Variants in PDXK observed in about 807,000 individuals in gnomAD.
PDXK encodes pyridoxal kinase, also known as epididymis secretory sperm binding protein Li 1a.
A neutral mutation model predicts 43.2 loss-of-function variants in PDXK; 15 were observed. The ratio of observed to expected loss-of-function variants is 0.35; its 90% CI spans 0.23 to 0.53. The LOEUF (loss-of-function observed/expected upper bound fraction) is 0.53, where lower values mean the gene tolerates loss of function less well. Among genes scored for constraint, PDXK ranks in the 20% least tolerant of loss-of-function variants. The pLI, the probability that PDXK is intolerant of heterozygous loss-of-function variation, is 0.92. For missense variants in PDXK, 343 were observed against 417.0 expected (o/e 0.82, Z 1.54); for synonymous variants, 172 against 165.4 (o/e 1.04, Z -0.31).
chr21:43,750,827 C>CGT (rs1265391759), intron 7 of PDXK, among the ~76,000 whole-genome samples: 4 of 146,402 alleles, frequency 2.7e-5, no homozygotes, highest in Non-Finnish European at 6.0e-5. Flanking sequence ...CCCATGTGTG[C>CGT]ATGTGTGCAC....
Position 43,755,723 on chromosome 21 carries a change from C to T in PDXK, c.785C>T (p.Thr262Ile), listed in dbSNP as rs77602696. 878 of 1,614,052 alleles carry T rather than the reference C, an allele frequency of 5.4e-4. 4 individuals are homozygous for T. In the African/African-American group the frequency reaches 9.3e-3, roughly 17 times the overall value. ...LKVACEKTVS[T>I]LHHVLQRTIQ... ...GTGGCCTGTGAGAAGACCGTGTCTACCTTGCACCACGTTCTGCAGAGGACC... is the reference window on the plus strand; with the variant it reads ...GTGGCCTGTGAGAAGACCGTGTCTATCTTGCACCACGTTCTGCAGAGGACC... Residue 262 changes from threonine (T) to isoleucine (I), a missense_variant, in exon 10 of 11, where the codon ACC becomes ATC. By Grantham distance (89) the Thr-to-Ile change is moderately conservative (BLOSUM62 -1). Transcript: ENST00000291565.
chr21:43,740,667 T>C (rs1367116429), intron 2 of PDXK, among the ~76,000 whole-genome samples: 1 of 151,860 alleles, frequency 6.6e-6, no homozygotes, highest in Non-Finnish European at 1.5e-5. Flanking sequence ...GACGCGTCTG[T>C]CCTCACACAT....
At chr21:43,727,970 A>T (rs188720026) in intron 1 of PDXK, among the ~76,000 whole-genome samples, 9 of 152,330 alleles carry the variant, frequency 5.9e-5, no homozygotes, top group African/African-American at 2.2e-4. Context: ...GCCTTCCCTT[A>T]GCACTTTGCA....
At position 43,741,677 on chromosome 21, in the gene PDXK, C is replaced by T. The variant is rs1601814022; in HGVS notation, c.153C>T (p.His51=). 9.9e-6 allele frequency: 16 copies of T among 1,612,416 alleles called. No individual in the cohort carries two copies. The highest frequency in any genetic ancestry group is 1.4e-5 in the Non-Finnish European group (16 of 1,178,742). The change falls in exon 3 of 11, where the codon CAC becomes CAT. Residue 51 remains histidine (H), a synonymous_variant. Coordinates refer to ENST00000291565, the MANE Select transcript of PDXK (RefSeq NM_003681.5). ...VQFSNHTGYA[H]WKGQVLNSDE... Reference sequence around the variant, plus strand: ...TTCCTCTGCCTCTAGGCTATGCCCACTGGAAGGGCCAAGTGCTGAATTCAG... The same window carrying T: ...TTCCTCTGCCTCTAGGCTATGCCCATTGGAAGGGCCAAGTGCTGAATTCAG...
rs1289875473 is a variant in PDXK at position 43,759,628 on chromosome 21, G to A, written c.*3565G>A. The A allele has an allele frequency of 1.3e-5, 2 of 153,426 alleles. No homozygotes were observed. Among genetic ancestry groups the A allele is most frequent in the Non-Finnish European group, 2.9e-5 (2 of 68,160 alleles). The allele number at this position is 153,426 out of a possible 1,614,324, so 9.5% of individuals were successfully genotyped here. A position where few individuals can be genotyped will look rare whatever the true frequency, so the allele number is the denominator to read the frequency against. On this transcript the variant is annotated 3_prime_UTR_variant, in exon 11 of 11. Coordinates refer to ENST00000291565, the MANE Select transcript of PDXK (RefSeq NM_003681.5). ...ATCGCCTGCCTGGGCCCAGAGCAGG[G>A]GAACTGGAGTTTGTGAGTGAGCAGA...
At position 43,734,515 on chromosome 21, in the gene PDXK, C is replaced by T. The variant is rs534295991; in HGVS notation, c.142+392C>T. Among the ~76,000 whole-genome samples, 11 of 152,322 alleles carry T rather than the reference C, an allele frequency of 7.2e-5. No homozygotes were observed. The highest frequency in any genetic ancestry group is 2.6e-4 in the African/African-American group (11 of 41,572). ...GACCAATGCCTGGCTCAGAGCGCAG[C>T]CGTGTGACTCCTGCTGTCCACCTGC... On this transcript the variant is annotated intron_variant, in intron 2 of 10. Coordinates refer to ENST00000291565, the MANE Select transcript of PDXK (RefSeq NM_003681.5). This position sits in a 1 kb window ranked among gnomAD's most constrained non-coding sequence, Gnocchi z 5.0.
intron 1 of PDXK, among the ~76,000 whole-genome samples, chr21:43,726,975 G>A (rs1432716888): frequency 1.3e-5 from 2 of 152,196 alleles, no homozygotes; most frequent in Non-Finnish European, 2.9e-5. Flanking sequence ...ATGCATGCGT[G>A]TGTCATGGGC....
chr21:43,733,248 TCCCCA>T (rs1447202918), intron 1 of PDXK, among the ~76,000 whole-genome samples: 1,321 of 35,018 alleles, frequency 0.038, 31 homozygotes, highest in East Asian at 0.15. Flanking sequence ...CCCCTCCCCA[TCCCCA>T]CCCCCCCCCC....
At chr21:43,722,410 T>G (rs2083213491) in intron 1 of PDXK, among the ~76,000 whole-genome samples, 1 of 152,202 alleles carries the variant, frequency 6.6e-6, no homozygotes, top group Non-Finnish European at 1.5e-5. Context: ...CCCCTTTTGC[T>G]CTATTGCTTC....
At chr21:43,722,324 C>T (rs1270830823) in intron 1 of PDXK, among the ~76,000 whole-genome samples, 1 of 152,204 alleles carries the variant, frequency 6.6e-6, no homozygotes, top group Admixed American at 6.5e-5. Context: ...TCCTGGCTAT[C>T]AGTTCAGCAG....
chr21:43,743,686 C>A, intron 3 of PDXK, 38 bp from the exon 4 acceptor site: 2 of 1,414,692 alleles, frequency 1.4e-6, no homozygotes, highest in Non-Finnish European at 2.0e-6. Context: ...TGGTGAGTCT[C>A]CTGTTTTCTG....
chr21:43,744,905 C>A (rs1444496094), intron 4 of PDXK, among the ~76,000 whole-genome samples: 2 of 152,158 alleles, frequency 1.3e-5, no homozygotes, highest in African/African-American at 2.4e-5. Flanking sequence ...TCCGTACATA[C>A]AATGGAGTAT....
At position 43,757,509 on chromosome 21, in the gene PDXK, T is replaced by C. The variant is rs990728396; in HGVS notation, c.*1446T>C. 2.6e-5 allele frequency: 4 copies of C among 152,172 alleles called. No individual in the cohort carries two copies. The highest frequency in any genetic ancestry group is 9.6e-5 in the African/African-American group (4 of 41,454). The allele number at this position is 152,172 out of a possible 1,614,324, so 9.4% of individuals were successfully genotyped here. ...CCCTCCTGGAGCCCATACCCTCCTG[T>C]GAGGCCATTCCAGTGTCTTCTAGAA... On this transcript the variant is annotated 3_prime_UTR_variant, in exon 11 of 11. Coordinates refer to ENST00000291565, the MANE Select transcript of PDXK (RefSeq NM_003681.5).
chr21:43,755,518 G>A, intron 9 of PDXK, 180 bp from the exon 10 acceptor site: 1 of 625,718 alleles, frequency 1.6e-6, no homozygotes, highest in East Asian at 2.7e-5. Context: ...CGGGCTCTCC[G>A]TGGTGGGCAG....
chr21:43,724,059 G>A (rs2083229824), intron 1 of PDXK, among the ~76,000 whole-genome samples: 1 of 152,200 alleles, frequency 6.6e-6, no homozygotes, highest in African/African-American at 2.4e-5. Flanking sequence ...ACTCCCTGCA[G>A]CCCCCACCAG....
chr21:43,740,904 G>C (rs1441430462), intron 2 of PDXK: 2 of 147,946 alleles, frequency 1.4e-5, no homozygotes, highest in Non-Finnish European at 3.0e-5. Flanking sequence ...GACAGTGGCC[G>C]GTGGCCGAGC....
intron 5 of PDXK, among the ~76,000 whole-genome samples, chr21:43,746,701 G>A (rs2083644403): frequency 1.3e-5 from 2 of 152,276 alleles, no homozygotes; most frequent in South Asian, 4.1e-4. Flanking sequence ...TTACAGGCAT[G>A]AGCCACCACG....
rs2147344900 is a variant in PDXK, at chr21:43,760,958, T to C, written c.*4895T>C. On this transcript the variant is annotated 3_prime_UTR_variant, in exon 11 of 11. Transcript: ENST00000291565. ...TTTCAATCGGCGTCTAAAACCACGT[T>C]CCTGCCTTTCATTGCAACACGGTGT... 1 of 152,402 alleles carries C rather than the reference T, an allele frequency of 6.6e-6. No homozygotes were observed. Among genetic ancestry groups the C allele is most frequent in the South Asian group, 2.1e-4 (1 of 4,834 alleles). The allele number at this position is 152,402 out of a possible 1,614,324, so 9.4% of individuals were successfully genotyped here. A position where few individuals can be genotyped will look rare whatever the true frequency, so the allele number is the denominator to read the frequency against.
At chr21:43,745,959 T>C in intron 4 of PDXK, 120 bp from the exon 5 acceptor site, 1 of 794,640 alleles carries the variant, frequency 1.3e-6, no homozygotes. Context: ...ATTGCACCAC[T>C]GCACTCCAGC....
Sources: allele counts gnomAD v4.1 joint callset (sites outside exome capture counted in the v4.1 genomes callset), GRCh38; gene constraint gnomAD v4.1.1; non-coding constraint Gnocchi (gnomAD v3.1); transcripts MANE v1.5; gene names NCBI Gene and HGNC (gene_info 2026-07-23, HGNC 2026-07-21).